The following PPFIA2 variants were observed in gnomAD, a reference collection of about 807,000 sequenced individuals.
The protein encoded by PPFIA2 is liprin-alpha-2.
A neutral mutation model predicts 175.5 loss-of-function variants in PPFIA2; 46 were observed. That is an observed-to-expected ratio of 0.26 (90% CI 0.21 to 0.34). PPFIA2 has a LOEUF of 0.34. PPFIA2 is among the 10% of genes least tolerant of loss of function. The probability of loss-of-function intolerance (pLI) is 1.00; values close to 1 mark genes in which losing one functional copy is unlikely to be tolerated. For missense variants in PPFIA2, 1,179 were observed against 1,506.1 expected (o/e 0.78, Z 3.60); for synonymous variants, 568 against 511.4 (o/e 1.11, Z -1.49).
At chr12:81,727,935 A>G (rs1281029474) in intron 3 of PPFIA2, among the ~76,000 whole-genome samples, 1 of 151,354 alleles carries the variant, frequency 6.6e-6, no homozygotes, top group Non-Finnish European at 1.5e-5. Context: ...ACCTATTTCT[A>G]TTTCACGGGT....
At chr12:81,755,804 A>AT (rs1321945463) in intron 2 of PPFIA2, among the ~76,000 whole-genome samples, 4 of 152,144 alleles carry the variant, frequency 2.6e-5, no homozygotes, top group Non-Finnish European at 4.4e-5. Context: ...AATTTGTTCA[A>AT]TTTTGTATGC....
intron 4 of PPFIA2, among the ~76,000 whole-genome samples, chr12:81,481,346 C>T (rs1462047647): frequency 1.3e-5 from 2 of 152,108 alleles, no homozygotes; most frequent in South Asian, 2.1e-4. Context: ...AATGCTATTC[C>T]CATCAAACTA....
chr12:81,758,235 A>G (rs2084989091), intron 2 of PPFIA2, among the ~76,000 whole-genome samples, 165 bp downstream of exon 2: 1 of 151,426 alleles, frequency 6.6e-6, no homozygotes, highest in South Asian at 2.1e-4. Context: ...GGCAGGAGGT[A>G]GAGAGATAGG....
At chr12:81,280,752 A>T (rs946454271) in intron 27 of PPFIA2, among the ~76,000 whole-genome samples, 4 of 152,114 alleles carry the variant, frequency 2.6e-5, no homozygotes, top group African/African-American at 9.7e-5. Flanking sequence ...TTTGTTCTGA[A>T]ATTAATATAC....
intron 7 of PPFIA2, chr12:81,431,116 A>G (rs1193346208): frequency 5.3e-5 from 8 of 152,228 alleles, no homozygotes; most frequent in Non-Finnish European, 1.2e-4. Context: ...CTTTTTATGT[A>G]TAATGTAATC....
chr12:81,647,065 A>AG (rs11309241), intron 4 of PPFIA2, among the ~76,000 whole-genome samples: 40 of 148,594 alleles, frequency 2.7e-4, no homozygotes, highest in Non-Finnish European at 4.6e-4. Context: ...TTAAAAAAAA[A>AG]GGGGGGGGGA....
intron 4 of PPFIA2, among the ~76,000 whole-genome samples, chr12:81,465,719 A>AAGTATT: frequency 1.3e-5 from 2 of 152,294 alleles, no homozygotes; most frequent in South Asian, 4.1e-4. Flanking sequence ...TACTTTCTAG[A>AAGTATT]ACCGATTAAT....
intron 4 of PPFIA2, among the ~76,000 whole-genome samples, chr12:81,667,135 C>T (rs754014266): frequency 4.6e-5 from 7 of 152,108 alleles, no homozygotes; most frequent in Non-Finnish European, 1.0e-4. Flanking sequence ...CACCAAGCTT[C>T]TCCAGCATGT....
At chr12:81,682,292 G>GC (rs1247287972) in intron 3 of PPFIA2, among the ~76,000 whole-genome samples, 5 of 151,966 alleles carry the variant, frequency 3.3e-5, no homozygotes, top group Non-Finnish European at 7.4e-5. Flanking sequence ...CAATTTCTAA[G>GC]CCATGGAGAG....
At chr12:81,263,782 C>T (rs1026155893) in intron 30 of PPFIA2, among the ~76,000 whole-genome samples, 1 of 152,166 alleles carries the variant, frequency 6.6e-6, no homozygotes, top group Non-Finnish European at 1.5e-5. Context: ...CTACATTTAA[C>T]TCACACACTT....
intron 11 of PPFIA2, among the ~76,000 whole-genome samples, chr12:81,372,118 C>G (rs2035285745): frequency 6.6e-6 from 1 of 151,664 alleles, no homozygotes; most frequent in Non-Finnish European, 1.5e-5. Flanking sequence ...AAACAGTCTG[C>G]TATTTTTTAT....
chr12:81,267,166 C>T lies in PPFIA2; in HGVS notation c.3487-146G>A, dbSNP rs909801166. The T allele has an allele frequency of 2.4e-5, 15 of 627,102 alleles. No individual in the cohort carries two copies. The African/African-American group carries it at 2.5e-4, about 11-fold the overall frequency. The allele number at this position is 627,102 out of a possible 1,614,324, so 38.8% of individuals were successfully genotyped here. A position where few individuals can be genotyped will look rare whatever the true frequency, so the allele number is the denominator to read the frequency against. ...TTAGCCCTCCATGTCTGTTATTAGCCATTGTAAATTTTAACTACAAAAAAA... is the reference window on the plus strand; with the variant it reads ...TTAGCCCTCCATGTCTGTTATTAGCTATTGTAAATTTTAACTACAAAAAAA... On this transcript the variant is annotated intron_variant, in intron 29 of 32. Transcript: ENST00000549396.
At chr12:81,543,713 G>A (rs1212827486) in intron 4 of PPFIA2, among the ~76,000 whole-genome samples, 1 of 152,036 alleles carries the variant, frequency 6.6e-6, no homozygotes, top group African/African-American at 2.4e-5. Flanking sequence ...TTATAGTGAA[G>A]AAACCCGACA....
At position 81,259,384 on chromosome 12, in the gene PPFIA2, A is replaced by T; in HGVS notation, c.*310T>A. 1 of 625,274 alleles carries T rather than the reference A, an allele frequency of 1.6e-6. No individual in the cohort carries two copies. 38.7% of individuals were successfully genotyped at this position (625,274 alleles called of 1,614,324 possible). ...TAAATGCCTAGTATATTACAATAAA[A>T]CATGAAAAACAACTGGCTTCATTTC... On this transcript the variant is annotated 3_prime_UTR_variant, in exon 33 of 33. Transcript: ENST00000549396.
At chr12:81,636,577 T>C (rs1947317797) in intron 4 of PPFIA2, among the ~76,000 whole-genome samples, 1 of 147,932 alleles carries the variant, frequency 6.8e-6, no homozygotes, top group Admixed American at 6.8e-5. Context: ...CTCTCTGATA[T>C]TAAAAAAAAA....
At chr12:81,265,023 TGG>T (rs1452949170) in intron 30 of PPFIA2, among the ~76,000 whole-genome samples, 1 of 151,966 alleles carries the variant, frequency 6.6e-6, no homozygotes, top group East Asian at 1.9e-4. Context: ...CTGGGCGTGG[TGG>T]CTCACGCCTG....
At chr12:81,610,154 AC>A (rs1415003979) in intron 4 of PPFIA2, among the ~76,000 whole-genome samples, 1 of 152,068 alleles carries the variant, frequency 6.6e-6, no homozygotes, top group Non-Finnish European at 1.5e-5. Context: ...TGATAAAGTT[AC>A]TTTTGTACCT....
At chr12:81,360,689 T>C (rs2141171574) in intron 15 of PPFIA2, among the ~76,000 whole-genome samples, 1 of 151,880 alleles carries the variant, frequency 6.6e-6, no homozygotes, top group East Asian at 1.9e-4. Flanking sequence ...ATTTCCATTA[T>C]TGTTTTTACG....
intron 24 of PPFIA2, among the ~76,000 whole-genome samples, chr12:81,293,249 G>T (rs1431613362): frequency 2.0e-5 from 3 of 151,602 alleles, no homozygotes; most frequent in Admixed American, 6.6e-5. Context: ...ATTTAGGAAT[G>T]GAATAAACAA....
Sources: allele counts gnomAD v4.1 joint callset (sites outside exome capture counted in the v4.1 genomes callset), GRCh38; gene constraint gnomAD v4.1.1; transcripts MANE v1.5; gene names NCBI Gene and HGNC (gene_info 2026-07-23, HGNC 2026-07-21).